Variants in EXOC4 observed in about 807,000 individuals in gnomAD.
The protein encoded by EXOC4 is exocyst complex component 4, also known as SEC8-like 1.
In EXOC4, 71 loss-of-function variants were observed where a neutral mutation model predicts 107.2. The observed-to-expected ratio is 0.66, with a 90% CI of 0.55 to 0.81. The LOEUF (loss-of-function observed/expected upper bound fraction) is 0.81. Ranked by LOEUF, EXOC4 falls within the 30% of genes least tolerant of loss-of-function variation. The pLI is 0.00. For missense variants in EXOC4, 1,108 were observed against 1,189.6 expected, an observed-to-expected ratio of 0.93 and a Z score of 1.01; for synonymous variants, 456 against 441.2, an observed-to-expected ratio of 1.03 and a Z score of -0.42.
intron 11 of EXOC4, among the ~76,000 whole-genome samples, chr7:133,885,054 G>A (rs1316396892): frequency 6.6e-6 from 1 of 152,116 alleles, no homozygotes; most frequent in Non-Finnish European, 1.5e-5. Context: ...AGTGGCTCAC[G>A]CCTATAATCC....
chr7:133,313,314 T>C (rs1326459970), intron 4 of EXOC4, among the ~76,000 whole-genome samples: 1 of 152,152 alleles, frequency 6.6e-6, no homozygotes, highest in Non-Finnish European at 1.5e-5. Flanking sequence ...CTTAGAACTA[T>C]TGAGAATTAT....
chr7:133,646,080 T>C (rs1355292908), intron 10 of EXOC4, among the ~76,000 whole-genome samples: 2 of 152,156 alleles, frequency 1.3e-5, no homozygotes, highest in African/African-American at 2.4e-5. Flanking sequence ...AGGAGCCTCC[T>C]ATGTGAGACA....
intron 14 of EXOC4, among the ~76,000 whole-genome samples, chr7:133,949,618 T>G (rs542114926): frequency 2.0e-5 from 3 of 152,342 alleles, no homozygotes; most frequent in African/African-American, 7.2e-5. Context: ...TGTCAAAAGC[T>G]TCTTGCTACA....
chr7:133,306,062 G>T lies in EXOC4; in HGVS notation c.656+1G>T, dbSNP rs755742411. 1 of 1,608,572 alleles carries T rather than the reference G, an allele frequency of 6.2e-7. No homozygotes were observed. Among genetic ancestry groups the T allele is most frequent in the African/African-American group, 1.3e-5 (1 of 74,786 alleles). ...GTAACAAGGAAAAAGGGAAAATCAG[G>T]TTAAAGAGGCTCTTTGCTATAAGTG... On this transcript the variant is annotated splice_donor_variant, in intron 4 of 17. Transcript: ENST00000253861. LOFTEE classifies it high-confidence loss of function.
chr7:133,653,100 G>T (rs917026006), intron 10 of EXOC4, among the ~76,000 whole-genome samples: 1 of 152,036 alleles, frequency 6.6e-6, no homozygotes, highest in South Asian at 2.1e-4. Context: ...GAAACCTGAG[G>T]TTATATGTTT....
intron 6 of EXOC4, among the ~76,000 whole-genome samples, chr7:133,373,726 A>G (rs1796426749): frequency 6.6e-6 from 1 of 152,224 alleles, no homozygotes; most frequent in African/African-American, 2.4e-5. Context: ...GCCACAAAAT[A>G]TACAATAAAG....
rs909221834 is a variant in EXOC4 at position 133,397,385 on chromosome 7, C to T, written c.1182+22383C>T. ...CCAACCTCAGGTGGTCTGCCTGCGTCGGCCTCCCAAAGTGCTGGGATTACA... is the reference window on the plus strand; with the variant it reads ...CCAACCTCAGGTGGTCTGCCTGCGTTGGCCTCCCAAAGTGCTGGGATTACA... On this transcript the variant is annotated intron_variant, in intron 7 of 17. Transcript: ENST00000253861. Among the ~76,000 whole-genome samples the T allele has an allele frequency of 4.6e-5, 7 of 151,446 alleles. 1 individual carries two copies. The highest frequency in any genetic ancestry group is 8.8e-5 in the Non-Finnish European group (6 of 67,894).
intron 7 of EXOC4, among the ~76,000 whole-genome samples, chr7:133,409,278 GTATTAGGTT>G (rs1797301161): frequency 1.3e-5 from 2 of 152,152 alleles, no homozygotes; most frequent in South Asian, 4.1e-4. Flanking sequence ...GAATTTAGCT[GTATTAGGTT>G]TATTCTTAAT....
chr7:133,510,105 C>T (rs1211708990), intron 9 of EXOC4, among the ~76,000 whole-genome samples: 6 of 152,172 alleles, frequency 3.9e-5, no homozygotes, highest in East Asian at 1.9e-4. Flanking sequence ...AACCCATTTA[C>T]GTTATCCCTT....
chr7:133,646,776 C>G (rs2151030277), intron 10 of EXOC4, among the ~76,000 whole-genome samples: 1 of 152,212 alleles, frequency 6.6e-6, no homozygotes, highest in South Asian at 2.1e-4. Flanking sequence ...ATGCCCTCTG[C>G]AAAGAAGAGA....
chr7:133,428,757 A>G (rs931039724), intron 7 of EXOC4, among the ~76,000 whole-genome samples: 5 of 152,194 alleles, frequency 3.3e-5, no homozygotes, highest in African/African-American at 4.8e-5. Flanking sequence ...CTTTTATGCC[A>G]CAAACATCTG....
At chr7:133,264,298 A>G (rs994680876) in intron 1 of EXOC4, among the ~76,000 whole-genome samples, 1 of 152,178 alleles carries the variant, frequency 6.6e-6, no homozygotes, top group Non-Finnish European at 1.5e-5. Flanking sequence ...AATTGGCCCT[A>G]AGTGCTGTCT....
chr7:133,682,483 C>T (rs1351384484), intron 10 of EXOC4, among the ~76,000 whole-genome samples: 3 of 152,168 alleles, frequency 2.0e-5, no homozygotes, highest in Non-Finnish European at 4.4e-5. Flanking sequence ...GATTCTGAGG[C>T]CTCCCCAGCC....
intron 5 of EXOC4, among the ~76,000 whole-genome samples, chr7:133,338,730 G>A (rs568790651): frequency 4.7e-5 from 7 of 149,274 alleles, no homozygotes; most frequent in East Asian, 3.9e-4. Flanking sequence ...CAGTGTACAC[G>A]GTACCCAATG....
At chr7:133,932,393 T>A (rs1005137888) in intron 13 of EXOC4, among the ~76,000 whole-genome samples, 1 of 152,186 alleles carries the variant, frequency 6.6e-6, no homozygotes, top group Non-Finnish European at 1.5e-5. Flanking sequence ...AAATTCTTTT[T>A]CTCACTTCTT....
intron 5 of EXOC4, among the ~76,000 whole-genome samples, chr7:133,354,779 C>T (rs1795987814): frequency 6.6e-6 from 1 of 152,156 alleles, no homozygotes; most frequent in Admixed American, 6.5e-5. Context: ...GGATGTCTGC[C>T]ACAGTGCTAG....
intron 9 of EXOC4, among the ~76,000 whole-genome samples, chr7:133,514,268 G>A (rs908312635): frequency 5.3e-5 from 8 of 151,828 alleles, no homozygotes; most frequent in Middle Eastern, 6.8e-3. Flanking sequence ...CGGTTTAAGC[G>A]ATTCTCTTCC....
intron 10 of EXOC4, among the ~76,000 whole-genome samples, chr7:133,717,690 C>G (rs1313372993): frequency 6.6e-6 from 1 of 152,166 alleles, no homozygotes; most frequent in Non-Finnish European, 1.5e-5. Flanking sequence ...CATACACACA[C>G]AACAAGCAAA....
intron 10 of EXOC4, among the ~76,000 whole-genome samples, chr7:133,663,145 T>C (rs1197304448): frequency 6.6e-6 from 1 of 152,146 alleles, no homozygotes; most frequent in Non-Finnish European, 1.5e-5. Flanking sequence ...TAAATCCATC[T>C]ATAGTATTTG....
Sources: gnomAD v4.1 joint callset for allele counts (sites outside exome capture counted in the v4.1 genomes callset) on GRCh38, gnomAD v4.1.1 for gene constraint, MANE v1.5 for transcripts, NCBI Gene and HGNC (gene_info 2026-07-23, HGNC 2026-07-21) for gene names.